Variants in NRG3 observed in about 807,000 individuals in gnomAD.
NRG3 encodes the protein pro-neuregulin-3, membrane-bound isoform.
A neutral mutation model predicts 66.9 loss-of-function variants in NRG3; 31 were observed. That is an observed-to-expected ratio of 0.46 (90% confidence interval 0.35 to 0.63). The LOEUF is 0.63. Among genes scored for constraint, NRG3 ranks in the 20% least tolerant of loss-of-function variants. The pLI is 0.00. For missense variants in NRG3, 910 were observed against 878.9 expected (o/e 1.04, Z -0.45); for synonymous variants, 393 against 359.4 (o/e 1.09, Z -1.06).
intron 4 of NRG3, among the ~76,000 whole-genome samples, chr10:82,873,555 C>T (rs1435752696): frequency 6.6e-6 from 1 of 152,136 alleles, no homozygotes; most frequent in South Asian, 2.1e-4. Flanking sequence ...GCAATAATCA[C>T]GAAGGATTTC....
At chr10:82,301,398 A>G (rs1012381441) in intron 1 of NRG3, among the ~76,000 whole-genome samples, 2 of 152,170 alleles carry the variant, frequency 1.3e-5, no homozygotes, top group African/African-American at 4.8e-5. Flanking sequence ...TCTTTTAACA[A>G]ATACTGTCTT....
At chr10:82,538,224 A>AT (rs1450375061) in intron 2 of NRG3, among the ~76,000 whole-genome samples, 2 of 152,080 alleles carry the variant, frequency 1.3e-5, no homozygotes, top group African/African-American at 2.4e-5. Flanking sequence ...GGGTTAAGTG[A>AT]TTTTCCCAGG....
chr10:82,417,219 A>T (rs2088644618), intron 2 of NRG3, among the ~76,000 whole-genome samples: 1 of 152,234 alleles, frequency 6.6e-6, no homozygotes. Context: ...GAAAATATGA[A>T]TAAAAGAGGC....
chr10:81,921,195 G>A (rs1414747138), intron 1 of NRG3, among the ~76,000 whole-genome samples: 3 of 151,804 alleles, frequency 2.0e-5, no homozygotes, highest in Non-Finnish European at 4.4e-5. Flanking sequence ...CTCCCACTTT[G>A]ATGGGAGAAA....
intron 1 of NRG3, among the ~76,000 whole-genome samples, chr10:82,319,866 C>T (rs1375129745): frequency 6.6e-6 from 1 of 152,158 alleles, no homozygotes; most frequent in Non-Finnish European, 1.5e-5. Flanking sequence ...TCTGAATTGC[C>T]TCAGAAAGAA....
chr10:82,583,743 T>C (rs1285118608), intron 2 of NRG3, among the ~76,000 whole-genome samples: 1 of 152,170 alleles, frequency 6.6e-6, no homozygotes, highest in Non-Finnish European at 1.5e-5. Flanking sequence ...TTCCACTCGG[T>C]TGAGTGCTCT....
At chr10:82,422,220 A>G (rs2089134870) in intron 2 of NRG3, among the ~76,000 whole-genome samples, 1 of 152,080 alleles carries the variant, frequency 6.6e-6, no homozygotes, top group African/African-American at 2.4e-5. Flanking sequence ...TCAGGATATT[A>G]AAAGATGCTT....
intron 2 of NRG3, among the ~76,000 whole-genome samples, chr10:82,579,402 G>A (rs541694946): frequency 6.6e-6 from 1 of 151,922 alleles, no homozygotes; most frequent in African/African-American, 2.4e-5. Context: ...AACTAATCTT[G>A]CTTCACTTCC....
chr10:82,128,946 C>T (rs993286808), intron 1 of NRG3, among the ~76,000 whole-genome samples: 1 of 152,044 alleles, frequency 6.6e-6, no homozygotes, highest in Non-Finnish European at 1.5e-5. Context: ...TGGAGTCTCA[C>T]TCTGTCATCC....
At chr10:82,491,637 T>G (rs1843158129) in intron 2 of NRG3, among the ~76,000 whole-genome samples, 1 of 152,088 alleles carries the variant, frequency 6.6e-6, no homozygotes, top group Non-Finnish European at 1.5e-5. Context: ...TTAACTAGTG[T>G]CTAATTTCCT....
intron 1 of NRG3, among the ~76,000 whole-genome samples, chr10:82,090,766 A>G (rs1026619850): frequency 1.3e-5 from 2 of 152,204 alleles, no homozygotes; most frequent in African/African-American, 4.8e-5. Context: ...TATATCTGAA[A>G]TGGGAATCCG....
intron 3 of NRG3, among the ~76,000 whole-genome samples, chr10:82,769,425 T>A (rs2059632737): frequency 6.6e-6 from 1 of 152,082 alleles, no homozygotes; most frequent in African/African-American, 2.4e-5. Context: ...CTGGGCTGAA[T>A]TATGACTGTC....
At chr10:82,662,383 C>G in intron 2 of NRG3, among the ~76,000 whole-genome samples, 1 of 151,968 alleles carries the variant, frequency 6.6e-6, no homozygotes, top group East Asian at 1.9e-4. Context: ...ATCATGAATT[C>G]TCATGAGCCA....
intron 1 of NRG3, among the ~76,000 whole-genome samples, chr10:82,124,742 A>AAT (rs1554829679): frequency 1.3e-5 from 2 of 151,886 alleles, no homozygotes; most frequent in African/African-American, 4.8e-5. Context: ...AAAAAAAAAA[A>AAT]AGTTTAACAA....
At chr10:82,770,626 T>G (rs1052347161) in intron 3 of NRG3, among the ~76,000 whole-genome samples, 2 of 151,898 alleles carry the variant, frequency 1.3e-5, no homozygotes, top group Non-Finnish European at 2.9e-5. Flanking sequence ...AAACAAACAC[T>G]AGGAGGTGTT....
chr10:82,350,451 G>T (rs10466184), intron 1 of NRG3, among the ~76,000 whole-genome samples: 16,924 of 152,184 alleles, frequency 0.11, 1,640 homozygotes, highest in East Asian at 0.26. Flanking sequence ...GAACATGTAA[G>T]CAGTTAAACT....
intron 1 of NRG3, among the ~76,000 whole-genome samples, chr10:82,127,452 C>CTTTAGTTCCTGG (rs1273291285): frequency 1.1e-4 from 17 of 152,174 alleles, no homozygotes; most frequent in African/African-American, 4.1e-4. Flanking sequence ...AGTTCCAGGA[C>CTTTAGTTCCTGG]AATGTTCAGC....
chr10:82,751,649 C>G (rs761828713), intron 3 of NRG3, among the ~76,000 whole-genome samples: 2 of 152,074 alleles, frequency 1.3e-5, no homozygotes, highest in African/African-American at 2.4e-5. Flanking sequence ...TTAACTCTTA[C>G]AAGATAAAGT....
At chr10:81,950,241 A>G (rs1337411030) in intron 1 of NRG3, among the ~76,000 whole-genome samples, 1 of 152,188 alleles carries the variant, frequency 6.6e-6, no homozygotes, top group African/African-American at 2.4e-5. Context: ...GTCATTGTGT[A>G]TATTATGAAA....
Sources: allele counts gnomAD v4.1 joint callset (sites outside exome capture counted in the v4.1 genomes callset), GRCh38; gene constraint gnomAD v4.1.1; transcripts MANE v1.5; gene names NCBI Gene and HGNC (gene_info 2026-07-23, HGNC 2026-07-21).